The following AFG2B variants were observed in gnomAD, a reference collection of about 807,000 sequenced individuals.
The protein encoded by AFG2B is ATPase family gene 2 protein homolog B.
the AFG2B span, chr15:45,414,533 T>G: frequency 1.3e-6 from 2 of 1,571,132 alleles, no homozygotes; most frequent in Non-Finnish European, 1.7e-6. Context: ...ATTTTATTAT[T>G]ATACTAAAAC....
the AFG2B span, chr15:45,414,853 A>C: frequency 7.6e-7 from 1 of 1,320,000 alleles, no homozygotes; most frequent in African/African-American, 1.5e-5. Flanking sequence ...AAACCTTTTT[A>C]AAAATATTAC....
the AFG2B span, among the ~76,000 whole-genome samples, chr15:45,406,408 C>T: frequency 6.6e-6 from 1 of 152,056 alleles, no homozygotes; most frequent in African/African-American, 2.4e-5. Flanking sequence ...TGTCAAGATA[C>T]CGTTTTTCCC....
At chr15:45,418,006 G>T in the AFG2B span, among the ~76,000 whole-genome samples, 1 of 152,100 alleles carries the variant, frequency 6.6e-6, no homozygotes, top group Non-Finnish European at 1.5e-5. Context: ...GATAATTCAT[G>T]TATTTGCTTC....
At chr15:45,421,352 C>A in the AFG2B span, 2 of 546,522 alleles carry the variant, frequency 3.7e-6, no homozygotes, top group South Asian at 3.1e-5. Context: ...AAAACTTGTG[C>A]CTGATAAGCT....
the AFG2B span, among the ~76,000 whole-genome samples, chr15:45,415,259 G>C: frequency 6.6e-6 from 1 of 152,086 alleles, no homozygotes; most frequent in East Asian, 1.9e-4. Flanking sequence ...CACTTTGGGA[G>C]GCCAAGGCGG....
the AFG2B span, chr15:45,417,853 C>G: frequency 6.5e-6 from 1 of 152,986 alleles, no homozygotes; most frequent in Non-Finnish European, 1.5e-5. Context: ...TCAACCAGTA[C>G]ATTTTTTGTC....
the AFG2B span, among the ~76,000 whole-genome samples, chr15:45,418,084 C>T: frequency 1.3e-5 from 2 of 152,150 alleles, no homozygotes; most frequent in Non-Finnish European, 2.9e-5. Context: ...TGGCTCACAT[C>T]TGTAATCCCA....
chr15:45,420,145 A>C, the AFG2B span, among the ~76,000 whole-genome samples: 52 of 152,328 alleles, frequency 3.4e-4, no homozygotes, highest in Non-Finnish European at 6.6e-4. Context: ...TTAACCTAAA[A>C]AGAAATTTAT....
At chr15:45,417,179 T>A in the AFG2B span, 2 of 1,490,884 alleles carry the variant, frequency 1.3e-6, no homozygotes, top group Admixed American at 4.0e-5. Flanking sequence ...ATATCCCTAT[T>A]TGAATTTAAA....
the AFG2B span, among the ~76,000 whole-genome samples, chr15:45,406,298 C>G: frequency 6.6e-6 from 1 of 152,328 alleles, no homozygotes; most frequent in Non-Finnish European, 1.5e-5. Flanking sequence ...GTGTCTTTCT[C>G]ATTGCATCTG....
At chr15:45,416,018 A>C in the AFG2B span, 2 of 334,420 alleles carry the variant, frequency 6.0e-6, no homozygotes, top group South Asian at 1.4e-4. Flanking sequence ...AAATATAAGA[A>C]TGTGAATTTT....
the AFG2B span, chr15:45,415,529 A>G: frequency 7.4e-7 from 1 of 1,359,924 alleles, no homozygotes; most frequent in Non-Finnish European, 1.0e-6. Flanking sequence ...TATAAATAGT[A>G]ATATCACATG....
the AFG2B span, chr15:45,403,513 C>A: frequency 1.9e-6 from 3 of 1,602,708 alleles, no homozygotes; most frequent in South Asian, 1.1e-5. Flanking sequence ...GAGATTTGAC[C>A]GAGAGGTGAA....
chr15:45,404,028 T>G, the AFG2B span, among the ~76,000 whole-genome samples: 8 of 152,204 alleles, frequency 5.3e-5, no homozygotes. Flanking sequence ...ACCAGCATCC[T>G]ATTCCACAAT....
chr15:45,415,590 T>C, the AFG2B span: 53 of 1,613,482 alleles, frequency 3.3e-5, no homozygotes, highest in Non-Finnish European at 4.4e-5. Flanking sequence ...ACAAAAGATA[T>C]TTCGACAAGC....
the AFG2B span, chr15:45,414,553 CTT>C: frequency 6.2e-7 from 1 of 1,610,298 alleles, no homozygotes; most frequent in South Asian, 1.1e-5. Flanking sequence ...CAACTCTTCT[CTT>C]TTTGTGTACT....
chr15:45,410,538 A>G, the AFG2B span: 1 of 1,595,860 alleles, frequency 6.3e-7, no homozygotes, highest in Non-Finnish European at 8.5e-7. Context: ...CAGGTAAGAC[A>G]GATAATCTAC....
the AFG2B span, chr15:45,403,289 A>G: frequency 6.3e-7 from 1 of 1,588,286 alleles, no homozygotes. Flanking sequence ...CGGGTCTTCC[A>G]GCGCGCCCGG....
the AFG2B span, chr15:45,407,173 G>C: frequency 7.9e-7 from 1 of 1,271,542 alleles, no homozygotes; most frequent in Non-Finnish European, 1.0e-6. Context: ...CAACCCAGGG[G>C]AAGTGGAAGG....
Sources: allele counts gnomAD v4.1 joint callset (sites outside exome capture counted in the v4.1 genomes callset), GRCh38; gene constraint gnomAD v4.1.1; transcripts MANE v1.5; gene names NCBI Gene and HGNC (gene_info 2026-07-23, HGNC 2026-07-21).